VCF1: variants seen among roughly 807,000 people sequenced by gnomAD.
VCF1 encodes VCP nuclear cofactor family member 1.
the VCF1 span, among the ~76,000 whole-genome samples, chr17:73,229,867 C>CA: frequency 0.44 from 9,894 of 22,528 alleles, 3,648 homozygotes; most frequent in Non-Finnish European, 0.55. Context: ...GACTCCATCT[C>CA]AAAAAAAAAA....
chr17:73,229,269 G>C, the VCF1 span: 15 of 985,272 alleles, frequency 1.5e-5, no homozygotes, highest in African/African-American at 2.6e-4. Context: ...TAGGCTCTTA[G>C]CAGATCTCAT....
the VCF1 span, chr17:73,232,197 C>T: frequency 6.2e-7 from 1 of 1,610,488 alleles, no homozygotes; most frequent in Admixed American, 1.7e-5. Context: ...ACGCCCACCC[C>T]CTCGGGCCTT....
chr17:73,219,558 G>A, the VCF1 span, among the ~76,000 whole-genome samples: 1 of 151,706 alleles, frequency 6.6e-6, no homozygotes, highest in Non-Finnish European at 1.5e-5. Flanking sequence ...GCTGAGGCAG[G>A]AGAATGGTGT....
the VCF1 span, among the ~76,000 whole-genome samples, chr17:73,218,313 A>C: frequency 6.6e-6 from 1 of 152,264 alleles, no homozygotes; most frequent in African/African-American, 2.4e-5. Flanking sequence ...GGGTTAATTA[A>C]AACCACTTTA....
At chr17:73,223,988 G>A in the VCF1 span, among the ~76,000 whole-genome samples, 1 of 145,694 alleles carries the variant, frequency 6.9e-6, no homozygotes, top group Non-Finnish European at 1.5e-5. Context: ...AGAAAGAAAA[G>A]AAAGAAAGGG....
chr17:73,212,036 A>G, the VCF1 span, among the ~76,000 whole-genome samples: 3 of 152,224 alleles, frequency 2.0e-5, no homozygotes, highest in Admixed American at 6.5e-5. Context: ...TCTCAAAAAA[A>G]ATAAAGACTG....
chr17:73,225,882 A>AAT, the VCF1 span, among the ~76,000 whole-genome samples: 26 of 74,692 alleles, frequency 3.5e-4, no homozygotes, highest in South Asian at 1.4e-3. Context: ...ATATATATAT[A>AAT]ATATATATAT....
chr17:73,207,758 G>A, the VCF1 span: 1 of 1,289,902 alleles, frequency 7.8e-7, no homozygotes, highest in Non-Finnish European at 1.0e-6. Flanking sequence ...GAATTGTGCT[G>A]TGTGCATGTG....
the VCF1 span, among the ~76,000 whole-genome samples, chr17:73,228,437 G>A: frequency 1.3e-5 from 2 of 152,156 alleles, no homozygotes; most frequent in African/African-American, 4.8e-5. Context: ...TTGAATATTA[G>A]AGAAAATAAA....
the VCF1 span, chr17:73,209,904 G>T: frequency 2.2e-6 from 3 of 1,348,376 alleles, no homozygotes; most frequent in Non-Finnish European, 3.0e-6. Flanking sequence ...ACTGGGCTTT[G>T]GAATTGATAA....
chr17:73,211,479 G>C, the VCF1 span, among the ~76,000 whole-genome samples: 1 of 150,956 alleles, frequency 6.6e-6, no homozygotes, highest in African/African-American at 2.4e-5. Flanking sequence ...CGAGGCAGGA[G>C]ATCGCTTGAA....
chr17:73,213,760 A>G, the VCF1 span, among the ~76,000 whole-genome samples: 1 of 152,186 alleles, frequency 6.6e-6, no homozygotes, highest in Non-Finnish European at 1.5e-5. Context: ...ACTTGAGGCC[A>G]GGAGTTCGAG....
the VCF1 span, among the ~76,000 whole-genome samples, chr17:73,219,202 A>AC: frequency 6.6e-6 from 1 of 151,484 alleles, no homozygotes; most frequent in Non-Finnish European, 1.5e-5. Context: ...AAAAAAAAAA[A>AC]AAAAAAAAAA....
the VCF1 span, among the ~76,000 whole-genome samples, chr17:73,223,604 T>C: frequency 5.9e-5 from 9 of 151,924 alleles, no homozygotes; most frequent in African/African-American, 2.2e-4. Context: ...AGGTTAACTT[T>C]TAGAAATGAA....
chr17:73,207,793 C>T, the VCF1 span: 10 of 1,287,106 alleles, frequency 7.8e-6, no homozygotes, highest in South Asian at 1.0e-4. Flanking sequence ...AACAGCTTGT[C>T]TTCTTACAGC....
At chr17:73,209,600 A>G in the VCF1 span, 3 of 1,581,306 alleles carry the variant, frequency 1.9e-6, no homozygotes, top group Non-Finnish European at 2.6e-6. Context: ...TTGATGTGGA[A>G]GTAGAGGCCT....
the VCF1 span, among the ~76,000 whole-genome samples, chr17:73,217,807 A>G: frequency 1.4e-4 from 22 of 151,984 alleles, no homozygotes; most frequent in Non-Finnish European, 2.8e-4. Flanking sequence ...ACCTGTCTCT[A>G]CTAAAATACA....
At chr17:73,207,832 C>T in the VCF1 span, 7 of 1,276,018 alleles carry the variant, frequency 5.5e-6, no homozygotes, top group Non-Finnish European at 7.1e-6. Flanking sequence ...TTGTTAGACA[C>T]AATATTAGCA....
chr17:73,222,118 A>G, the VCF1 span, among the ~76,000 whole-genome samples: 1 of 150,990 alleles, frequency 6.6e-6, no homozygotes, highest in Non-Finnish European at 1.5e-5. Context: ...GGAGTGCTTA[A>G]GCCCATGAGT....
Sources: gnomAD v4.1 joint callset for allele counts (sites outside exome capture counted in the v4.1 genomes callset) on GRCh38, gnomAD v4.1.1 for gene constraint, MANE v1.5 for transcripts, NCBI Gene and HGNC (gene_info 2026-07-23, HGNC 2026-07-21) for gene names.